The following MTO1 variants were observed in gnomAD, a reference collection of about 807,000 sequenced individuals.
MTO1 encodes mitochondrial tRNA translation optimization 1.
A neutral mutation model predicts 71.6 loss-of-function variants in MTO1; 46 were observed. The observed-to-expected ratio is 0.64, with a 90% CI of 0.51 to 0.82. MTO1 has a LOEUF of 0.82. Ranked by LOEUF, MTO1 falls within the 40% of genes least tolerant of loss-of-function variation. The pLI, the probability that MTO1 is intolerant of heterozygous loss-of-function variation, is 0.00. For synonymous variants in MTO1, 297 were observed against 312.1 expected, an observed-to-expected ratio of 0.95 and a Z score of 0.51; for missense variants, 773 against 867.5, an observed-to-expected ratio of 0.89 and a Z score of 1.37.
chr6:73,503,790 G>T lies in MTO1; in HGVS notation c.*3055G>T, dbSNP rs183200172. 3.7e-4 allele frequency: 57 copies of T among 152,320 alleles called. No individual in the cohort carries two copies. The highest frequency in any genetic ancestry group is 1.3e-3 in the African/African-American group (56 of 41,572). 9.4% of individuals were successfully genotyped at this position (152,320 alleles called of 1,614,324 possible). A position where few individuals can be genotyped will look rare whatever the true frequency, so the allele number is the denominator to read the frequency against. The stretch of plus-strand genomic sequence containing the variant: ...ACTGGGGGAGGAAGGATGAAGATAC[G>T]AACCTATGCTAAATTAAACGATTAT... On this transcript the variant is annotated 3_prime_UTR_variant, in exon 12 of 12. Coordinates refer to ENST00000498286, the MANE Select transcript of MTO1 (RefSeq NM_012123.4).
chr6:73,463,112 C>T (rs1163335230), intron 1 of MTO1, among the ~76,000 whole-genome samples: 1 of 151,818 alleles, frequency 6.6e-6, no homozygotes, highest in African/African-American at 2.4e-5. Flanking sequence ...CAAGCTCCGC[C>T]TTCCGGGTTA....
chr6:73,468,279 G>A (rs1410106991), intron 3 of MTO1, among the ~76,000 whole-genome samples: 3 of 151,462 alleles, frequency 2.0e-5, no homozygotes, highest in African/African-American at 7.3e-5. Flanking sequence ...CACCATGCCC[G>A]GCTAATTTTT....
chr6:73,461,908 G>A lies in MTO1; in HGVS notation c.54G>A (p.Gln18=). Residue 18 remains glutamine, a synonymous_variant, in exon 1 of 12, where the codon CAG becomes CAA. Transcript: ENST00000498286. ...GGGTCGCGGTTTCCTTCACCAAGCAGCAATTTCCGTTGGCACGGTTGAGCA... is the reference window on the plus strand; with the variant it reads ...GGGTCGCGGTTTCCTTCACCAAGCAACAATTTCCGTTGGCACGGTTGAGCA... ...GRWVAVSFTK[Q]QFPLARLSSD... is the part of the protein sequence containing the mutation. 6.2e-7 allele frequency: 1 copy of A among 1,614,222 alleles called. No homozygotes were observed. The highest frequency in any genetic ancestry group is 1.1e-5 in the South Asian group (1 of 91,090).
chr6:73,479,626 A>C, intron 4 of MTO1, 106 bp from the exon 5 acceptor site: 1 of 800,440 alleles, frequency 1.2e-6, no homozygotes, highest in Admixed American at 2.7e-5. Context: ...ATTATGCACA[A>C]GTTTAGTGTC....
chr6:73,476,898 A>G (rs1367620310), intron 4 of MTO1, among the ~76,000 whole-genome samples: 3 of 150,928 alleles, frequency 2.0e-5, no homozygotes, highest in East Asian at 3.9e-4. Context: ...GTCAGTTCTC[A>G]TGCCTCAGCC....
rs565423248 is a variant in MTO1, at chr6:73,504,888, A to C, written c.*4153A>C. The C allele has an allele frequency of 1.3e-5, 2 of 151,942 alleles. No individual in the cohort carries two copies. Among genetic ancestry groups the C allele is most frequent in the African/African-American group, 2.4e-5 (1 of 41,378 alleles). The allele number at this position is 151,942 out of a possible 1,614,324, so 9.4% of individuals were successfully genotyped here. A position where few individuals can be genotyped will look rare whatever the true frequency, so the allele number is the denominator to read the frequency against. On this transcript the variant is annotated 3_prime_UTR_variant, in exon 12 of 12. Transcript: ENST00000498286. ...GCAACAGAGTGAGACCCTGCCTGAA[A>C]AAAAGCCCAGGTGTGGTGGCTCACA...
chr6:73,480,603 A>T, intron 6 of MTO1, 72 bp from the exon 7 acceptor site: 2 of 1,556,698 alleles, frequency 1.3e-6, no homozygotes, highest in Non-Finnish European at 1.8e-6. Flanking sequence ...ATTTAAGGGT[A>T]ATGCTTGCAT....
intron 6 of MTO1, chr6:73,480,451 G>T: frequency 3.4e-6 from 2 of 591,756 alleles, no homozygotes; most frequent in African/African-American, 3.7e-5. Flanking sequence ...TGTATTTTTA[G>T]TAGAGACAGG....
chr6:73,483,675 T>C (rs1771576060), intron 9 of MTO1, among the ~76,000 whole-genome samples: 1 of 152,008 alleles, frequency 6.6e-6, no homozygotes, highest in Admixed American at 6.6e-5. Flanking sequence ...TAGAGTGCAA[T>C]GGTGCGATCT....
chr6:73,493,246 G>A lies in MTO1; in HGVS notation c.1756+894G>A, dbSNP rs905773241. Reference sequence around the variant, plus strand: ...CCTGCTCAGGTGATCTGCCTGCCTCGGCCTCCCAAAGTGCCAGGGATTACA... The same window carrying A: ...CCTGCTCAGGTGATCTGCCTGCCTCAGCCTCCCAAAGTGCCAGGGATTACA... On this transcript the variant is annotated intron_variant, in intron 10 of 11. Transcript: ENST00000498286. 6.6e-5 allele frequency among the ~76,000 whole-genome samples: 10 copies of A among 150,662 alleles called. No homozygotes were observed. In the South Asian group the frequency reaches 1.5e-3, roughly 22 times the overall value.
chr6:73,498,448 T>C (rs7754947), intron 11 of MTO1, among the ~76,000 whole-genome samples: 28,571 of 149,908 alleles, frequency 0.19, 2,817 homozygotes, highest in Middle Eastern at 0.23. Context: ...ATAACTCATA[T>C]TTGTGATTTT....
At chr6:73,496,910 G>A (rs1402980171) in intron 10 of MTO1, among the ~76,000 whole-genome samples, 1 of 151,456 alleles carries the variant, frequency 6.6e-6, no homozygotes, top group African/African-American at 2.4e-5. Context: ...AAGATTAGCC[G>A]GGCGTGGTGG....
intron 9 of MTO1, 95 bp downstream of exon 9, chr6:73,482,715 C>A: frequency 3.0e-6 from 3 of 991,154 alleles, no homozygotes; most frequent in East Asian, 2.7e-5. Flanking sequence ...TTCCTACCTA[C>A]ACATTTCAAA....
chr6:73,463,762 CAG>C (rs1024195290), intron 1 of MTO1, among the ~76,000 whole-genome samples: 2 of 151,936 alleles, frequency 1.3e-5, no homozygotes, highest in African/African-American at 4.8e-5. Context: ...ATTTTTGAGA[CAG>C]AGTTTTGCTG....
In MTO1 at chr6:73,500,637, G is replaced by C; in HGVS notation, c.1981G>C (p.Val661Leu). The change falls in exon 12 of 12, where the codon GTG (valine) becomes CTG (leucine). Residue 661 changes from valine (V) to leucine (L), a missense_variant. Physicochemically the swap from Val to Leu is conservative, Grantham distance 32. Transcript: ENST00000498286. ...CGCCATCATCAATCTGCTGAGATTT[G>C]TGAAGACCACTCAACGAAGACAGTC... ...PAAIINLLRFVKTTQRRQSAM... is the reference protein window; with the variant it reads ...PAAIINLLRFLKTTQRRQSAM... 1 of 1,613,848 alleles carries C rather than the reference G, an allele frequency of 6.2e-7. No individual in the cohort carries two copies. Among genetic ancestry groups the C allele is most frequent in the Non-Finnish European group, 8.5e-7 (1 of 1,179,884 alleles).
chr6:73,467,055 C>T (rs185294986), intron 3 of MTO1, among the ~76,000 whole-genome samples: 65 of 152,070 alleles, frequency 4.3e-4, no homozygotes, highest in African/African-American at 9.9e-4. Context: ...GGCTCATGCC[C>T]GTAATCCTAG....
chr6:73,480,333 T>G, intron 6 of MTO1: 1 of 709,548 alleles, frequency 1.4e-6, no homozygotes, highest in Non-Finnish European at 2.5e-6. Context: ...AGTGCAATGG[T>G]GCGATCTCGG....
At chr6:73,467,604 ACT>A (rs1296164372) in intron 3 of MTO1, among the ~76,000 whole-genome samples, 1 of 137,844 alleles carries the variant, frequency 7.3e-6, no homozygotes, top group Non-Finnish European at 1.6e-5. Context: ...CAAGAGCGAA[ACT>A]CTGTCTCAAA....
At chr6:73,471,266 A>G (rs1008235805) in intron 3 of MTO1, among the ~76,000 whole-genome samples, 1 of 149,606 alleles carries the variant, frequency 6.7e-6, no homozygotes, top group Non-Finnish European at 1.5e-5. Context: ...ATGATTTTAT[A>G]TATAATATAA....
Sources: allele counts gnomAD v4.1 joint callset (sites outside exome capture counted in the v4.1 genomes callset), GRCh38; gene constraint gnomAD v4.1.1; transcripts MANE v1.5; gene names NCBI Gene and HGNC (gene_info 2026-07-23, HGNC 2026-07-21).